CACNA1E: variants seen among roughly 807,000 people sequenced by gnomAD.
CACNA1E encodes the protein calcium voltage-gated channel subunit alpha1 E.
Under a neutral mutation model 259.2 loss-of-function variants are expected in CACNA1E, and 40 were observed. The ratio of observed to expected loss-of-function variants is 0.15; its 90% CI spans 0.12 to 0.20. The LOEUF (loss-of-function observed/expected upper bound fraction) is 0.20. Among genes scored for constraint, CACNA1E ranks in the 10% least tolerant of loss-of-function variants. The pLI is 1.00. For synonymous variants in CACNA1E, 1,104 were observed against 1,138.5 expected, an observed-to-expected ratio of 0.97 and a Z score of 0.61; for missense variants, 1,874 against 3,040.1, an observed-to-expected ratio of 0.62 and a Z score of 9.02.
chr1:181,596,692 T>A (rs1287637015), intron 6 of CACNA1E, among the ~76,000 whole-genome samples: 1 of 152,150 alleles, frequency 6.6e-6, no homozygotes, highest in Non-Finnish European at 1.5e-5. Context: ...AATTCTCTTT[T>A]GTACAGACTT....
At chr1:181,441,436 C>T (rs1660469036) in intron 2 of CACNA1E, among the ~76,000 whole-genome samples, 1 of 152,224 alleles carries the variant, frequency 6.6e-6, no homozygotes, top group Non-Finnish European at 1.5e-5. Context: ...AGGCGTGAGC[C>T]ACCGCACCTG....
chr1:181,692,709 A>G (rs1241391543), intron 7 of CACNA1E, among the ~76,000 whole-genome samples: 2 of 152,180 alleles, frequency 1.3e-5, no homozygotes, highest in African/African-American at 2.4e-5. Flanking sequence ...AAATACACCT[A>G]GGAAACACCA....
chr1:181,684,548 T>C (rs1459713250), intron 7 of CACNA1E, among the ~76,000 whole-genome samples: 5 of 152,220 alleles, frequency 3.3e-5, no homozygotes. Context: ...ATGAAATCTT[T>C]GCCAAGGCCA....
rs749209780 is a variant in CACNA1E at position 181,483,939 on chromosome 1, C to G, written c.195C>G (p.Val65=). 6.8e-6 allele frequency: 11 copies of G among 1,613,534 alleles called. No homozygotes were observed. The highest frequency in any genetic ancestry group is 3.3e-5 in the Admixed American group (2 of 60,010). ...CCGTCCGGCAGAACTGTTTCACCGTCAACAGATCCCTGTTCATCTTCGGAG... is the reference window on the plus strand; with the variant it reads ...CCGTCCGGCAGAACTGTTTCACCGTGAACAGATCCCTGTTCATCTTCGGAG... ...PIPVRQNCFT[V]NRSLFIFGED... is the part of the protein sequence containing the mutation. The change falls in exon 1 of 48, where the codon GTC becomes GTG. Residue 65 remains valine (V), a synonymous_variant. Coordinates refer to ENST00000367573, the MANE Select transcript of CACNA1E (RefSeq NM_001205293.3).
intron 7 of CACNA1E, among the ~76,000 whole-genome samples, chr1:181,683,648 A>T (rs1422538854): frequency 6.6e-6 from 1 of 151,982 alleles, no homozygotes; most frequent in Non-Finnish European, 1.5e-5. Flanking sequence ...GTCCATGTGT[A>T]CTCAATGTTT....
intron 6 of CACNA1E, among the ~76,000 whole-genome samples, chr1:181,647,154 G>C (rs1658348907): frequency 6.6e-6 from 1 of 152,206 alleles, no homozygotes; most frequent in South Asian, 2.1e-4. Flanking sequence ...ATGCCTGACT[G>C]ATAGTAGGTG....
At chr1:181,781,569 TG>T in intron 39 of CACNA1E, 46 bp downstream of exon 39, 2 of 988,818 alleles carry the variant, frequency 2.0e-6, no homozygotes, top group Non-Finnish European at 1.6e-6. Flanking sequence ...CAACAGGAAA[TG>T]GGATCTAGTT....
At chr1:181,552,126 C>A (rs898011732) in intron 3 of CACNA1E, among the ~76,000 whole-genome samples, 1 of 152,170 alleles carries the variant, frequency 6.6e-6, no homozygotes, top group South Asian at 2.1e-4. Flanking sequence ...AAATATAACA[C>A]CCAGAATGAA....
chr1:181,726,789 G>A (rs983876208), intron 18 of CACNA1E, among the ~76,000 whole-genome samples: 13 of 152,264 alleles, frequency 8.5e-5, no homozygotes, highest in Middle Eastern at 3.4e-3. Flanking sequence ...CAGGGAAAGA[G>A]TCTGCTCTCA....
In CACNA1E at chr1:181,627,022, G is replaced by A. The variant is rs1318313957; in HGVS notation, c.952-24316G>A. Among the ~76,000 whole-genome samples the A allele has an allele frequency of 2.0e-5, 3 of 152,100 alleles. No individual in the cohort carries two copies. In the East Asian group the frequency reaches 5.8e-4, roughly 29 times the overall value. ...GTGGTTATCTCTAGGTAATGATTGT[G>A]GGTAATTTTTGTTTTCCCGTTTATG... is the stretch of plus-strand genomic sequence containing the variant. On this transcript the variant is annotated intron_variant, in intron 6 of 47. Coordinates refer to ENST00000367573, the MANE Select transcript of CACNA1E (RefSeq NM_001205293.3).
At chr1:181,362,065 C>T (rs1020215760) in intron 1 of CACNA1E, among the ~76,000 whole-genome samples, 3 of 152,190 alleles carry the variant, frequency 2.0e-5, no homozygotes, top group Non-Finnish European at 4.4e-5. Flanking sequence ...CTAATATTAC[C>T]TCCTTCATAG....
chr1:181,768,368 A>G (rs1057390075), intron 35 of CACNA1E, among the ~76,000 whole-genome samples: 2 of 152,248 alleles, frequency 1.3e-5, no homozygotes, highest in African/African-American at 4.8e-5. Flanking sequence ...GGCAAGACAT[A>G]TGACTAATGT....
At chr1:181,746,367 G>A (rs1469914305) in intron 25 of CACNA1E, among the ~76,000 whole-genome samples, 1 of 152,192 alleles carries the variant, frequency 6.6e-6, no homozygotes, top group African/African-American at 2.4e-5. Flanking sequence ...GTTGAGAAGT[G>A]GATTGCCTGA....
chr1:181,460,949 T>C (rs1221527108), intron 2 of CACNA1E, among the ~76,000 whole-genome samples: 1 of 152,214 alleles, frequency 6.6e-6, no homozygotes, highest in African/African-American at 2.4e-5. Context: ...GTATAAAATA[T>C]CTGATACATG....
At position 181,798,376 on chromosome 1, in the gene CACNA1E, G is replaced by A. The variant is rs373618053; in HGVS notation, c.6484G>A (p.Val2162Ile). The A allele has an allele frequency of 6.8e-5, 109 of 1,612,722 alleles. 1 individual carries two copies. The highest frequency in any genetic ancestry group is 5.6e-4 in the South Asian group (51 of 91,054). The change falls in exon 48 of 48, where the codon GTC becomes ATC. Residue 2162 changes from valine to isoleucine, a missense_variant. Transcript: ENST00000367573. This position sits in a 1 kb window ranked among gnomAD's most constrained non-coding sequence, Gnocchi z 4.2. ...AAGAAGTCGTCGGCAGCTCCCACCC[G>A]TCCCGCCAAAGCCCCGGCCCCTCCT... Reference protein sequence around the residue: ...PRRSRRQLPPVPPKPRPLLSY... With the variant: ...PRRSRRQLPPIPPKPRPLLSY...
intron 7 of CACNA1E, among the ~76,000 whole-genome samples, chr1:181,656,702 T>A (rs1659236317): frequency 6.6e-6 from 1 of 152,252 alleles, no homozygotes; most frequent in Non-Finnish European, 1.5e-5. Context: ...ACTTTCTGAC[T>A]CACCCAGAGC....
At chr1:181,717,692 C>T (rs139387138) in intron 11 of CACNA1E, among the ~76,000 whole-genome samples, 1 of 152,238 alleles carries the variant, frequency 6.6e-6, no homozygotes, top group Non-Finnish European at 1.5e-5. Flanking sequence ...GATTAGACTG[C>T]CACTGGGTGT....
intron 7 of CACNA1E, among the ~76,000 whole-genome samples, chr1:181,665,787 G>T (rs1468513549): frequency 2.0e-5 from 3 of 151,974 alleles, no homozygotes; most frequent in African/African-American, 4.8e-5. Context: ...TAAAAAGATG[G>T]CTTTGCTAAG....
At chr1:181,475,808 T>C (rs1039875165) in intron 2 of CACNA1E, among the ~76,000 whole-genome samples, 1 of 152,102 alleles carries the variant, frequency 6.6e-6, no homozygotes, top group African/African-American at 2.4e-5. Context: ...AGTCTGGGGA[T>C]GAGGGACAAT....
Sources: allele counts gnomAD v4.1 joint callset (sites outside exome capture counted in the v4.1 genomes callset), GRCh38; gene constraint gnomAD v4.1.1; non-coding constraint Gnocchi (gnomAD v3.1); transcripts MANE v1.5; gene names NCBI Gene and HGNC (gene_info 2026-07-23, HGNC 2026-07-21).